The following TNFRSF14 variants were observed in gnomAD, a reference collection of about 807,000 sequenced individuals.
TNFRSF14 encodes the protein tumor necrosis factor receptor superfamily member 14.
A neutral mutation model predicts 34.1 loss-of-function variants in TNFRSF14; 18 were observed. That is an observed-to-expected ratio of 0.53 (90% CI 0.36 to 0.78). TNFRSF14 has a LOEUF of 0.78. TNFRSF14 is among the 30% of genes least tolerant of loss of function. The pLI is 0.00. For synonymous variants in TNFRSF14, 157 were observed against 153.2 expected, an observed-to-expected ratio of 1.02 and a Z score of -0.18; for missense variants, 352 against 379.5, an observed-to-expected ratio of 0.93 and a Z score of 0.60.
chr1:2,556,249 G>A (rs1156229461), upstream of TNFRSF14: 6 of 503,114 alleles, frequency 1.2e-5, no homozygotes, highest in Admixed American at 1.3e-4. Flanking sequence ...GGGTCCCTGA[G>A]TGTGTGAGTG....
rs762829374 is a variant in TNFRSF14 at position 2,563,211 on chromosome 1, G to A, written c.790G>A (p.Val264Ile). 43 of 1,613,356 alleles carry A rather than the reference G, an allele frequency of 2.7e-5. No homozygotes were observed. The highest frequency in any genetic ancestry group is 6.7e-5 in the Admixed American group (4 of 60,008). Reference sequence around the variant, plus strand: ...TGAGGCCCTGCAGGCCCCTCCGGACGTCACCACGGTGGCCGTGGAGGAGAC... The same window carrying A: ...TGAGGCCCTGCAGGCCCCTCCGGACATCACCACGGTGGCCGTGGAGGAGAC... ...VIEALQAPPDVTTVAVEETIP... is the reference protein window; with the variant it reads ...VIEALQAPPDITTVAVEETIP... The change falls in exon 8 of 8, where the codon GTC becomes ATC. Residue 264 changes from valine (V) to isoleucine (I), a missense_variant. By Grantham distance (29) the Val-to-Ile change is conservative. Transcript: ENST00000355716.
upstream of TNFRSF14, chr1:2,554,964 G>T (rs775431134): frequency 6.6e-6 from 1 of 152,158 alleles, no homozygotes; most frequent in Non-Finnish European, 1.5e-5. The surrounding 1 kb of genome is among the most constrained non-coding windows in gnomAD (Gnocchi z 4.2). Flanking sequence ...GGATGCAAGG[G>T]GCCCCCTTCT....
intron 6 of TNFRSF14, chr1:2,562,055 C>A (rs969697827): frequency 3.4e-6 from 2 of 585,012 alleles, no homozygotes; most frequent in Non-Finnish European, 3.0e-6. Flanking sequence ...GCCACCCCTG[C>A]CCACGCACTC....
At chr1:2,558,272 G>A (rs1029199340) in intron 2 of TNFRSF14, 71 bp from the exon 3 acceptor site, 2 of 1,539,466 alleles carry the variant, frequency 1.3e-6, no homozygotes, top group African/African-American at 1.4e-5. Flanking sequence ...TCTGGGCGCG[G>A]GTGGAGTGAT....
At chr1:2,562,581 A>G in intron 6 of TNFRSF14, 3 of 579,448 alleles carry the variant, frequency 5.2e-6, no homozygotes, top group Non-Finnish European at 9.2e-6. Flanking sequence ...CCCATAGATG[A>G]CGGTTGAATT....
rs1394800498 is a variant in TNFRSF14, at chr1:2,563,397, C to T, written c.*124C>T. ...GGCTCCGCCCTGGGCTGGCTTCCGT[C>T]TCCTCCAGTGGAGGGAGAGGTGGGG... is the stretch of plus-strand genomic sequence containing the variant. On this transcript the variant is annotated 3_prime_UTR_variant, in exon 8 of 8. Coordinates refer to ENST00000355716, the MANE Select transcript of TNFRSF14 (RefSeq NM_003820.4). 6.7e-7 allele frequency: 1 copy of T among 1,488,802 alleles called. No homozygotes were observed. The highest frequency in any genetic ancestry group is 9.0e-7 in the Non-Finnish European group (1 of 1,109,956). 92.2% of individuals were successfully genotyped at this position (1,488,802 alleles called of 1,614,324 possible).
In TNFRSF14 at chr1:2,560,616, CTT is replaced by C; in HGVS notation, c.461-7_461-6del. On this transcript the variant is annotated splice_polypyrimidine_tract_variant and splice_region_variant and intron_variant, in intron 4 of 7. Transcript: ENST00000355716. ...CTCAGCCCCCTCTGTCCGTCCCTCTCTTCTCAGGCACCGAGAGTCAGGACACC... is the reference window on the plus strand; with the variant it reads ...CTCAGCCCCCTCTGTCCGTCCCTCTCCTCAGGCACCGAGAGTCAGGACACC... The C allele has an allele frequency of 1.2e-6, 2 of 1,611,998 alleles. No individual in the cohort carries two copies. The highest frequency in any genetic ancestry group is 2.2e-5 in the South Asian group (2 of 90,990).
rs755528240 is a variant in TNFRSF14 at position 2,556,592 on chromosome 1, A to C, written c.-73A>C. ...TTCTCTTCTGGCCCACAGCCGCAGCAATGGCGCTGAGTTCCTCTGCTGGAG... is the reference window on the plus strand; with the variant it reads ...TTCTCTTCTGGCCCACAGCCGCAGCCATGGCGCTGAGTTCCTCTGCTGGAG... On this transcript the variant is annotated 5_prime_UTR_variant, in exon 1 of 8. Transcript: ENST00000355716. The C allele has an allele frequency of 1.2e-5, 17 of 1,417,280 alleles. No homozygotes were observed. Among genetic ancestry groups the C allele is most frequent in the Non-Finnish European group, 1.7e-5 (17 of 1,017,646 alleles). The allele number at this position is 1,417,280 out of a possible 1,614,324, so 87.8% of individuals were successfully genotyped here.
Position 2,563,210 on chromosome 1 carries a change from C to T in TNFRSF14, c.789C>T (p.Asp263=), listed in dbSNP as rs143633292. 59 of 1,613,496 alleles carry T rather than the reference C, an allele frequency of 3.7e-5. No homozygotes were observed. Among genetic ancestry groups the T allele is most frequent in the Non-Finnish European group, 4.5e-5 (53 of 1,180,012 alleles). The stretch of plus-strand genomic sequence containing the variant: ...TTGAGGCCCTGCAGGCCCCTCCGGA[C>T]GTCACCACGGTGGCCGTGGAGGAGA... ...TVIEALQAPP[D]VTTVAVEETI... is the part of the protein sequence containing the mutation. Residue 263 remains aspartate (D), a synonymous_variant, in exon 8 of 8, where the codon GAC becomes GAT. Transcript: ENST00000355716.
chr1:2,562,823 C>G (rs1467944326), intron 6 of TNFRSF14, 42 bp from the exon 7 acceptor site: 1 of 1,613,584 alleles, frequency 6.2e-7, no homozygotes, highest in Non-Finnish European at 8.5e-7. Context: ...GTCCCCTGAT[C>G]AGACACTGCC....
chr1:2,556,872 C>G, intron 1 of TNFRSF14, 139 bp downstream of exon 1: 2 of 847,936 alleles, frequency 2.4e-6, no homozygotes, highest in South Asian at 3.6e-5. Flanking sequence ...GCCTGGGGCT[C>G]TCGGGTCAAC....
intron 3 of TNFRSF14, 82 bp from the exon 4 acceptor site, chr1:2,559,741 T>C: frequency 6.5e-7 from 1 of 1,541,752 alleles, no homozygotes; most frequent in South Asian, 1.2e-5. Flanking sequence ...GCAGCAGTCC[T>C]TGGCCTGTGG....
chr1:2,557,625 C>G, intron 1 of TNFRSF14, 101 bp from the exon 2 acceptor site: 1 of 855,258 alleles, frequency 1.2e-6, no homozygotes, highest in South Asian at 2.0e-5. Flanking sequence ...CACTGCCGCT[C>G]CTCCCCATTG....
chr1:2,559,455 T>C (rs1644270835), intron 3 of TNFRSF14: 1 of 1,416,468 alleles, frequency 7.1e-7, no homozygotes, highest in Non-Finnish European at 9.3e-7. Flanking sequence ...GGGAAACCCG[T>C]TTGCGGGGTG....
intron 4 of TNFRSF14, 108 bp from the exon 5 acceptor site, chr1:2,560,516 A>G: frequency 1.3e-6 from 1 of 758,694 alleles, no homozygotes; most frequent in Non-Finnish European, 2.2e-6. Context: ...TCCTCCCATC[A>G]CCCGTAGAGC....
At position 2,557,735 on chromosome 1, in the gene TNFRSF14, C is replaced by T. The variant is rs1374598148; in HGVS notation, c.79C>T (p.Leu27Phe). Residue 27 changes from leucine (L) to phenylalanine (F), a missense_variant, in exon 2 of 8, where the codon CTC (leucine) becomes TTC (phenylalanine). By Grantham distance (22) the Leu-to-Phe change is conservative (BLOSUM62 0). Coordinates refer to ENST00000355716, the MANE Select transcript of TNFRSF14 (RefSeq NM_003820.4). ...GTCCTGACCCCCTTAGGTGCTGTATCTCACCTTCCTGGGAGCCCCCTGCTA... is the reference window on the plus strand; with the variant it reads ...GTCCTGACCCCCTTAGGTGCTGTATTTCACCTTCCTGGGAGCCCCCTGCTA... The part of the protein sequence containing the change: ...KTDVLRLVLY[L>F]TFLGAPCYAP... The T allele has an allele frequency of 5.0e-6, 8 of 1,608,042 alleles. No individual in the cohort carries two copies. Among genetic ancestry groups the T allele is most frequent in the Non-Finnish European group, 6.8e-6 (8 of 1,177,186 alleles).
intron 6 of TNFRSF14, chr1:2,562,077 G>T: frequency 1.9e-6 from 1 of 536,338 alleles, no homozygotes; most frequent in Non-Finnish European, 3.3e-6. Flanking sequence ...ATGACCCTGT[G>T]CTCCTGCCTG....
Position 2,558,488 on chromosome 1 carries a change from G to C in TNFRSF14, c.304+20G>C. 1 of 1,611,790 alleles carries C rather than the reference G, an allele frequency of 6.2e-7. No homozygotes were observed. Among genetic ancestry groups the C allele is most frequent in the Non-Finnish European group, 8.5e-7 (1 of 1,179,540 alleles). On this transcript the variant is annotated intron_variant, in intron 3 of 7. Coordinates refer to ENST00000355716, the MANE Select transcript of TNFRSF14 (RefSeq NM_003820.4). Reference sequence around the variant, plus strand: ...ACCCAGGTAAGAGGCCAGCACAGCCGGCCCAGCCTCCGCTTGGGCAGCCTG... The same window carrying C: ...ACCCAGGTAAGAGGCCAGCACAGCCCGCCCAGCCTCCGCTTGGGCAGCCTG...
chr1:2,557,956 G>C, intron 2 of TNFRSF14, 122 bp downstream of exon 2: 5 of 844,964 alleles, frequency 5.9e-6, no homozygotes, highest in Non-Finnish European at 9.1e-6. Context: ...AAGCCCTGGG[G>C]CTAGGTGTGC....
Sources: allele counts gnomAD v4.1 joint callset, GRCh38; gene constraint gnomAD v4.1.1; non-coding constraint Gnocchi (gnomAD v3.1); transcripts MANE v1.5; gene names NCBI Gene and HGNC (gene_info 2026-07-23, HGNC 2026-07-21).